Variants in RNGTT observed in about 807,000 individuals in gnomAD.
RNGTT encodes mRNA-capping enzyme.
Under a neutral mutation model 79.3 loss-of-function variants are expected in RNGTT, and 33 were observed. That is an observed-to-expected ratio of 0.42 (90% CI 0.32 to 0.56). The LOEUF (loss-of-function observed/expected upper bound fraction) is 0.56. Ranked by LOEUF, RNGTT falls within the 20% of genes least tolerant of loss-of-function variation. The pLI is 0.17. For missense variants in RNGTT, 497 were observed against 739.1 expected (o/e 0.67, Z 3.80); for synonymous variants, 222 against 235.9 (o/e 0.94, Z 0.54).
chr6:88,932,963 T>C (rs1784555150), intron 2 of RNGTT, among the ~76,000 whole-genome samples: 1 of 152,132 alleles, frequency 6.6e-6, no homozygotes, highest in Non-Finnish European at 1.5e-5. Context: ...AATCCCCAAA[T>C]TTTCCTGCCT....
intron 13 of RNGTT, among the ~76,000 whole-genome samples, chr6:88,741,303 G>A (rs1334494557): frequency 1.3e-5 from 2 of 152,262 alleles, no homozygotes; most frequent in African/African-American, 2.4e-5. Context: ...CAGCGACATG[G>A]ATATTGCTGA....
At chr6:88,861,172 C>G (rs1166598796) in intron 8 of RNGTT, among the ~76,000 whole-genome samples, 1 of 152,130 alleles carries the variant, frequency 6.6e-6, no homozygotes, top group African/African-American at 2.4e-5. Flanking sequence ...AGAATTGGCA[C>G]AGAAGTCCCT....
chr6:88,841,737 A>G (rs1026757526), intron 11 of RNGTT, among the ~76,000 whole-genome samples: 3 of 152,234 alleles, frequency 2.0e-5, no homozygotes, highest in Non-Finnish European at 4.4e-5. Flanking sequence ...ATATAAAAAG[A>G]GCAAATGCCT....
chr6:88,963,067 C>G (rs374407512), intron 1 of RNGTT, among the ~76,000 whole-genome samples: 1 of 152,078 alleles, frequency 6.6e-6, no homozygotes, highest in South Asian at 2.1e-4. Context: ...AAAGTACGCC[C>G]ACTGTATTCC....
chr6:88,856,175 C>T (rs1313687802), intron 8 of RNGTT, among the ~76,000 whole-genome samples: 4 of 152,070 alleles, frequency 2.6e-5, no homozygotes, highest in Admixed American at 1.3e-4. Flanking sequence ...GTTTCCTAAA[C>T]TTAATCCTGA....
intron 13 of RNGTT, among the ~76,000 whole-genome samples, chr6:88,749,922 C>T (rs1434212144): frequency 6.6e-6 from 1 of 152,158 alleles, no homozygotes; most frequent in Non-Finnish European, 1.5e-5. Context: ...TGGTGGTTCA[C>T]TGGCAATCCT....
chr6:88,750,989 G>A (rs530709083), intron 13 of RNGTT, among the ~76,000 whole-genome samples: 1 of 152,126 alleles, frequency 6.6e-6, no homozygotes, highest in East Asian at 1.9e-4. Flanking sequence ...TCCAGGATAG[G>A]GCTTATCCAT....
chr6:88,732,304 A>T (rs1777142975), intron 13 of RNGTT, among the ~76,000 whole-genome samples: 1 of 152,230 alleles, frequency 6.6e-6, no homozygotes. Context: ...ACCATTATGG[A>T]AATGCAAATC....
chr6:88,871,390 A>C (rs1782350926), intron 8 of RNGTT, among the ~76,000 whole-genome samples: 1 of 152,120 alleles, frequency 6.6e-6, no homozygotes, highest in African/African-American at 2.4e-5. Flanking sequence ...TATGGTCCTG[A>C]AAAATATGTC....
At chr6:88,684,258 C>G (rs1290371597) in intron 13 of RNGTT, among the ~76,000 whole-genome samples, 1 of 152,164 alleles carries the variant, frequency 6.6e-6, no homozygotes. Context: ...TGTGGAGCAA[C>G]AGGAACTCGC....
At chr6:88,888,950 C>A (rs1782955394) in intron 8 of RNGTT, among the ~76,000 whole-genome samples, 1 of 152,182 alleles carries the variant, frequency 6.6e-6, no homozygotes, top group African/African-American at 2.4e-5. Context: ...ATCGCTTGAA[C>A]CTGGCAGGCG....
At chr6:88,757,341 A>G (rs1778054374) in intron 13 of RNGTT, among the ~76,000 whole-genome samples, 1 of 152,224 alleles carries the variant, frequency 6.6e-6, no homozygotes, top group South Asian at 2.1e-4. Flanking sequence ...AAAAAGAAGT[A>G]CATGATTTAA....
rs71554802 is a variant in RNGTT at position 88,817,749 on chromosome 6, A to ATTTTTTTTTT, written c.1270-16127_1270-16118dup. On this transcript the variant is annotated intron_variant, in intron 11 of 15. Transcript: ENST00000369485. ...TTCACCATCCAAGTCTATTCACATC[A>ATTTTTTTTTT]TTTTTTTTTTTTTTTTTTTTTTTTT... Among the ~76,000 whole-genome samples the ATTTTTTTTTT allele has an allele frequency of 1.3e-4, 9 of 71,560 alleles. 3 individuals carry two copies. The highest frequency in any genetic ancestry group is 1.6e-4 in the Non-Finnish European group (6 of 37,452). 46.9% of individuals were successfully genotyped at this position (71,560 alleles called of 152,430 possible).
chr6:88,862,260 A>C (rs1562290944), intron 8 of RNGTT, among the ~76,000 whole-genome samples: 1 of 152,102 alleles, frequency 6.6e-6, no homozygotes, highest in Non-Finnish European at 1.5e-5. Context: ...GGGACTTTCA[A>C]CACCACCCCA....
At chr6:88,672,561 TG>T (rs1774695781) in intron 14 of RNGTT, among the ~76,000 whole-genome samples, 1 of 151,906 alleles carries the variant, frequency 6.6e-6, no homozygotes, top group African/African-American at 2.4e-5. Context: ...GGGGGAAGTG[TG>T]GGATGAGGGT....
At chr6:88,729,702 A>G (rs1777044040) in intron 13 of RNGTT, among the ~76,000 whole-genome samples, 1 of 152,208 alleles carries the variant, frequency 6.6e-6, no homozygotes, top group Non-Finnish European at 1.5e-5. Context: ...CTTAGACATG[A>G]TATTAGCAAA....
At chr6:88,886,238 G>A (rs1202903059) in intron 8 of RNGTT, among the ~76,000 whole-genome samples, 3 of 152,140 alleles carry the variant, frequency 2.0e-5, no homozygotes, top group Middle Eastern at 3.2e-3. Flanking sequence ...CCCAGCGGGC[G>A]GAGCCTGCAG....
intron 1 of RNGTT, among the ~76,000 whole-genome samples, chr6:88,956,996 G>A (rs575759135): frequency 3.9e-5 from 6 of 152,266 alleles, no homozygotes; most frequent in East Asian, 3.9e-4. Flanking sequence ...TGGTGCCACC[G>A]CACTCCAGAC....
chr6:88,757,723 A>G (rs1778067774), intron 13 of RNGTT, among the ~76,000 whole-genome samples: 1 of 152,244 alleles, frequency 6.6e-6, no homozygotes, highest in South Asian at 2.1e-4. Flanking sequence ...AGTAGGAACA[A>G]ATAACAAAAC....
Sources: gnomAD v4.1 joint callset for allele counts (sites outside exome capture counted in the v4.1 genomes callset) on GRCh38, gnomAD v4.1.1 for gene constraint, MANE v1.5 for transcripts, NCBI Gene and HGNC (gene_info 2026-07-23, HGNC 2026-07-21) for gene names.